CCDC192: variants seen among roughly 807,000 people sequenced by gnomAD.
CCDC192 encodes coiled-coil domain-containing protein 192.
chr5:127,734,195 C>A (rs1306534310), intron 2 of CCDC192, among the ~76,000 whole-genome samples: 1 of 150,216 alleles, frequency 6.7e-6, no homozygotes, highest in East Asian at 2.0e-4. Flanking sequence ...TTTGTTCTTG[C>A]GATAGTTTAC....
At chr5:127,709,209 GA>G (rs1186125121) in intron 2 of CCDC192, among the ~76,000 whole-genome samples, 6 of 19,408 alleles carry the variant, frequency 3.1e-4, no homozygotes, top group East Asian at 5.4e-4. Flanking sequence ...GGGGGAGAGA[GA>G]GAGAGAGAGA....
intron 2 of CCDC192, among the ~76,000 whole-genome samples, chr5:127,750,540 G>A (rs1433303551): frequency 2.0e-5 from 3 of 150,934 alleles, no homozygotes; most frequent in African/African-American, 7.3e-5. Flanking sequence ...CCAAGTATGT[G>A]GTCAATTTTG....
At chr5:127,889,407 C>CTTTCTT (rs1561540937) in intron 6 of CCDC192, among the ~76,000 whole-genome samples, 14 of 128,900 alleles carry the variant, frequency 1.1e-4, no homozygotes, top group African/African-American at 3.8e-4. Flanking sequence ...TTCTTTCTTT[C>CTTTCTT]TTTTTTTTTT....
At chr5:127,740,952 C>A (rs1364706067) in intron 2 of CCDC192, among the ~76,000 whole-genome samples, 6 of 151,972 alleles carry the variant, frequency 3.9e-5, no homozygotes, top group African/African-American at 1.2e-4. Context: ...TCCTGTCACA[C>A]AAAAAAAGTA....
intron 2 of CCDC192, among the ~76,000 whole-genome samples, chr5:127,743,475 G>T (rs1003655084): frequency 9.9e-5 from 15 of 152,266 alleles, no homozygotes; most frequent in African/African-American, 3.6e-4. Context: ...GCAGACAAAT[G>T]AAGTAGCTGG....
At chr5:127,724,666 T>C (rs1752210403) in intron 2 of CCDC192, among the ~76,000 whole-genome samples, 1 of 152,002 alleles carries the variant, frequency 6.6e-6, no homozygotes, top group African/African-American at 2.4e-5. Flanking sequence ...CTGGCCAACA[T>C]GGGGAAACCC....
At chr5:127,710,536 C>A (rs1041569258) in intron 2 of CCDC192, among the ~76,000 whole-genome samples, 7 of 151,966 alleles carry the variant, frequency 4.6e-5, no homozygotes, top group Admixed American at 2.6e-4. Flanking sequence ...CTGTGCATTC[C>A]TAGAGAAAGG....
intron 6 of CCDC192, 169 bp from the exon 7 acceptor site, chr5:127,941,013 T>C (rs1477458572): frequency 2.5e-6 from 1 of 394,032 alleles, no homozygotes; most frequent in African/African-American, 2.1e-5. Context: ...CCCAGAATCT[T>C]TCCTCTCACT....
chr5:127,712,871 C>T (rs568256766), intron 2 of CCDC192, among the ~76,000 whole-genome samples: 1 of 152,334 alleles, frequency 6.6e-6, no homozygotes, highest in South Asian at 2.1e-4. Context: ...AACATCCCCA[C>T]CAGCAATGCA....
chr5:127,874,233 C>G (rs966916969), intron 5 of CCDC192, among the ~76,000 whole-genome samples: 8 of 152,214 alleles, frequency 5.3e-5, no homozygotes, highest in African/African-American at 1.9e-4. Flanking sequence ...ATTCTACCCT[C>G]TAACTCCCCT....
At chr5:127,813,169 T>C (rs1049397776) in intron 5 of CCDC192, among the ~76,000 whole-genome samples, 1 of 152,298 alleles carries the variant, frequency 6.6e-6, no homozygotes, top group East Asian at 1.9e-4. Flanking sequence ...TTGACGTTAC[T>C]GTTCACCTTC....
chr5:127,823,221 T>C (rs537035542), intron 5 of CCDC192, among the ~76,000 whole-genome samples: 2 of 152,318 alleles, frequency 1.3e-5, no homozygotes, highest in African/African-American at 4.8e-5. Flanking sequence ...CCACACTTTG[T>C]ACGGGTCAAG....
At chr5:127,799,521 G>C (rs564230341) in intron 5 of CCDC192, among the ~76,000 whole-genome samples, 1 of 152,106 alleles carries the variant, frequency 6.6e-6, no homozygotes, top group East Asian at 1.9e-4. Flanking sequence ...AGGATGTCCC[G>C]TCACGACATT....
chr5:127,788,259 A>G (rs2126949098), intron 3 of CCDC192, among the ~76,000 whole-genome samples: 1 of 152,256 alleles, frequency 6.6e-6, no homozygotes, highest in African/African-American at 2.4e-5. Flanking sequence ...ACTTTTATCA[A>G]TATGCAATGT....
intron 1 of CCDC192, among the ~76,000 whole-genome samples, chr5:127,703,776 C>T (rs1750809692): frequency 6.6e-6 from 1 of 152,102 alleles, no homozygotes. Flanking sequence ...AAATCACACA[C>T]TCACCCACCC....
chr5:127,801,344 C>T (rs1335876424), intron 5 of CCDC192, among the ~76,000 whole-genome samples: 1 of 152,138 alleles, frequency 6.6e-6, no homozygotes, highest in East Asian at 1.9e-4. Context: ...TTTGGAATTT[C>T]TGTTTGGAGT....
intron 6 of CCDC192, among the ~76,000 whole-genome samples, chr5:127,902,698 A>G (rs1461815794): frequency 1.3e-5 from 2 of 152,204 alleles, no homozygotes; most frequent in African/African-American, 4.8e-5. Flanking sequence ...TGCCATAGCT[A>G]CAGAAAATGT....
At chr5:127,879,503 T>A (rs1752259035) in intron 6 of CCDC192, among the ~76,000 whole-genome samples, 2 of 78,032 alleles carry the variant, frequency 2.6e-5, no homozygotes, top group Non-Finnish European at 2.7e-5. Flanking sequence ...AACCTAGGCA[T>A]TACCATTCAG....
intron 5 of CCDC192, among the ~76,000 whole-genome samples, chr5:127,874,682 T>C (rs985994210): frequency 2.0e-5 from 3 of 152,146 alleles, no homozygotes; most frequent in African/African-American, 4.8e-5. Context: ...GGCTTCCTAA[T>C]TACCAGCCCA....
Sources: allele counts gnomAD v4.1 joint callset (sites outside exome capture counted in the v4.1 genomes callset), GRCh38; gene constraint gnomAD v4.1.1; transcripts MANE v1.5; gene names NCBI Gene and HGNC (gene_info 2026-07-23, HGNC 2026-07-21).